DAB1: variants seen among roughly 807,000 people sequenced by gnomAD.
DAB1 encodes disabled homolog 1.
In DAB1, 15 loss-of-function variants were observed where a neutral mutation model predicts 64.6. The ratio of observed to expected loss-of-function variants is 0.23; its 90% CI spans 0.16 to 0.36. The LOEUF is 0.36. DAB1 is among the 10% of genes least tolerant of loss of function. The probability of loss-of-function intolerance (pLI) is 1.00; values close to 1 mark genes in which losing one functional copy is unlikely to be tolerated. For missense variants in DAB1, 596 were observed against 706.7 expected (o/e 0.84, Z 1.78); for synonymous variants, 235 against 251.9 (o/e 0.93, Z 0.64).
In DAB1 at chr1:58,372,694, T is replaced by C. The variant is rs531259344; in HGVS notation, n.258-29291A>G. Among the ~76,000 whole-genome samples the C allele has an allele frequency of 2.6e-5, 4 of 152,310 alleles. No homozygotes were observed. In the East Asian group the frequency reaches 5.8e-4, roughly 22 times the overall value. ...CACATGCCGAGGGAGGAACCTGGTG[T>C]GGGGTGATTGCATCATGAGGGTGGT... is the stretch of plus-strand genomic sequence containing the variant. On this transcript the variant is annotated intron_variant and non_coding_transcript_variant, in intron 3 of 20. Transcript: ENST00000485760.
chr1:57,892,415 G>A (rs1644330200), intron 5 of DAB1, among the ~76,000 whole-genome samples: 1 of 152,072 alleles, frequency 6.6e-6, no homozygotes, highest in Non-Finnish European at 1.5e-5. Flanking sequence ...GATGACCCAG[G>A]CACTGTTCTA....
rs114650342 is a variant in DAB1 at position 57,538,614 on chromosome 1, C to T, written n.625+110978G>A. On this transcript the variant is annotated intron_variant and non_coding_transcript_variant, in intron 7 of 20. Coordinates refer to the DAB1 transcript ENST00000485760. ...CATTTATCTTCAGCTACCTTCTCTACCTTGAGCCCAAGTCCTATTACTCAG... is the reference window on the plus strand; with the variant it reads ...CATTTATCTTCAGCTACCTTCTCTATCTTGAGCCCAAGTCCTATTACTCAG... Among the ~76,000 whole-genome samples, 1,049 of 152,272 alleles carry T rather than the reference C, an allele frequency of 6.9e-3. 12 individuals carry two copies. Among genetic ancestry groups the T allele is most frequent in the Non-Finnish European group, 7.4e-3 (500 of 68,018 alleles).
chr1:57,436,054 C>T (rs1685684052), intron 7 of DAB1, among the ~76,000 whole-genome samples: 1 of 151,586 alleles, frequency 6.6e-6, no homozygotes, highest in South Asian at 2.1e-4. Context: ...GTAGCTGGGA[C>T]TACAGGCACC....
Position 58,319,319 on chromosome 1 carries a change from T to G in DAB1, n.309+24033A>C, listed in dbSNP as rs1662629669. Among the ~76,000 whole-genome samples, 4 of 152,256 alleles carry G rather than the reference T, an allele frequency of 2.6e-5. No individual in the cohort carries two copies. The South Asian group carries it at 6.2e-4, about 24-fold the overall frequency. ...ATATTTTAGTCTCAAATTACTTTTC[T>G]GCTTCCTATTTCATTTTCACATTCC... On this transcript the variant is annotated intron_variant and non_coding_transcript_variant, in intron 4 of 20. Coordinates refer to the DAB1 transcript ENST00000485760.
intron 2 of DAB1, among the ~76,000 whole-genome samples, chr1:58,517,162 T>C (rs1490258142): frequency 1.3e-5 from 2 of 152,188 alleles, no homozygotes; most frequent in African/African-American, 2.4e-5. Flanking sequence ...GGTTAAGTGA[T>C]TTGCTACAGT....
intron 6 of DAB1, among the ~76,000 whole-genome samples, chr1:57,760,995 G>T (rs1323823): frequency 6.6e-6 from 1 of 152,086 alleles, no homozygotes; most frequent in Non-Finnish European, 1.5e-5. Context: ...AGTATAAGGA[G>T]GGATATAGAA....
At chr1:57,193,379 ATGTTTTT>A (rs1664317073) in intron 2 of DAB1, among the ~76,000 whole-genome samples, 1 of 71,624 alleles carries the variant, frequency 1.4e-5, no homozygotes, top group African/African-American at 5.5e-5. Context: ...TCCGTAGCAT[ATGTTTTT>A]TTTTTTTTTT....
At chr1:57,855,774 A>G (rs1431219519) in intron 1 of DAB1, among the ~76,000 whole-genome samples, 2 of 152,156 alleles carry the variant, frequency 1.3e-5, no homozygotes, top group African/African-American at 4.8e-5. Flanking sequence ...TCCAAGCACA[A>G]TATGGAGACC....
intron 7 of DAB1, among the ~76,000 whole-genome samples, chr1:57,571,891 C>A (rs371411021): frequency 2.7e-4 from 41 of 152,278 alleles, no homozygotes; most frequent in African/African-American, 8.7e-4. Flanking sequence ...CGGGAGAGAG[C>A]AGCCAGCCTC....
At chr1:57,045,846 A>T (rs1463824477) in intron 9 of DAB1, among the ~76,000 whole-genome samples, 1 of 152,220 alleles carries the variant, frequency 6.6e-6, no homozygotes, top group African/African-American at 2.4e-5. Flanking sequence ...CGATATGCTG[A>T]CAGAACTTCT....
In DAB1 at chr1:57,194,802, C is replaced by A. The variant is rs17115303; in HGVS notation, c.68-49373G>T. 4.8e-3 allele frequency among the ~76,000 whole-genome samples: 737 copies of A among 152,306 alleles called. 23 individuals are homozygous for A. In the East Asian group the frequency reaches 0.085, roughly 18 times the overall value. ...TTTCCAGCCAGTCCTCAAAGCGCAT[C>A]TCCAATCAGTACTCAGGAAAGCATG... is the stretch of plus-strand genomic sequence containing the variant. On this transcript the variant is annotated intron_variant, in intron 2 of 14. Transcript: ENST00000371236.
At chr1:58,515,201 G>A (rs1251392918) in intron 2 of DAB1, among the ~76,000 whole-genome samples, 1 of 151,978 alleles carries the variant, frequency 6.6e-6, no homozygotes, top group African/African-American at 2.4e-5. Flanking sequence ...ATTTAAAATT[G>A]CTCTTTTCCA....
At chr1:57,307,087 T>G (rs1404681088) in intron 1 of DAB1, 1 of 152,092 alleles carries the variant, frequency 6.6e-6, no homozygotes, top group Non-Finnish European at 1.5e-5. Context: ...GATCTTGCAG[T>G]TTTTTAGGAG....
chr1:57,497,816 T>C (rs960417937), intron 7 of DAB1, among the ~76,000 whole-genome samples: 2 of 152,248 alleles, frequency 1.3e-5, no homozygotes, highest in African/African-American at 4.8e-5. Context: ...TTTTGGCCTA[T>C]ATCCTGTGTC....
At chr1:57,967,864 A>G (rs982819607) in intron 5 of DAB1, among the ~76,000 whole-genome samples, 2 of 152,208 alleles carry the variant, frequency 1.3e-5, no homozygotes, top group African/African-American at 2.4e-5. Flanking sequence ...ATAAAGATGT[A>G]ATTTTGGATT....
intron 4 of DAB1, among the ~76,000 whole-genome samples, chr1:57,116,064 C>T (rs1187268605): frequency 1.3e-5 from 2 of 152,102 alleles, no homozygotes. Flanking sequence ...ATGGCAGTGA[C>T]CTCTGTGGCT....
At chr1:57,242,250 T>C (rs1430184134) in intron 2 of DAB1, among the ~76,000 whole-genome samples, 2 of 152,332 alleles carry the variant, frequency 1.3e-5, no homozygotes, top group African/African-American at 4.8e-5. Flanking sequence ...AACATCTTTA[T>C]AGTTTTTTTC....
chr1:58,309,032 A>G (rs1662370076), intron 4 of DAB1, among the ~76,000 whole-genome samples: 1 of 152,106 alleles, frequency 6.6e-6, no homozygotes, highest in Non-Finnish European at 1.5e-5. Flanking sequence ...ATGAGATGAG[A>G]GAGACTGGAA....
At chr1:58,333,503 A>C (rs986553543) in intron 4 of DAB1, among the ~76,000 whole-genome samples, 7 of 152,250 alleles carry the variant, frequency 4.6e-5, no homozygotes, top group African/African-American at 1.7e-4. Flanking sequence ...AAAGAGCGTG[A>C]ATATGTAAGA....
Sources: gnomAD v4.1 joint callset for allele counts (sites outside exome capture counted in the v4.1 genomes callset) on GRCh38, gnomAD v4.1.1 for gene constraint, MANE v1.5 for transcripts, NCBI Gene and HGNC (gene_info 2026-07-23, HGNC 2026-07-21) for gene names.